Variants in TANC1 observed in about 807,000 individuals in gnomAD.
TANC1 encodes tetratricopeptide repeat, ankyrin repeat and coiled-coil containing 1.
Under a neutral mutation model 149.7 loss-of-function variants are expected in TANC1, and 77 were observed. The ratio of observed to expected loss-of-function variants is 0.51; its 90% CI spans 0.43 to 0.62. The LOEUF is 0.62. Among genes scored for constraint, TANC1 ranks in the 20% least tolerant of loss-of-function variants. The pLI, the probability that TANC1 is intolerant of heterozygous loss-of-function variation, is 0.00. For missense variants in TANC1, 1,985 were observed against 2,321.8 expected (o/e 0.85, Z 2.98); for synonymous variants, 854 against 925.0 (o/e 0.92, Z 1.39).
rs17493951 is a variant in TANC1 at position 159,172,385 on chromosome 2, A to G, written c.1503+113A>G. ...AACAGAGACAACTGCTTAATGATAA[A>G]GTATAGCTTTTAATGAAATAGTGAT... On this transcript the variant is annotated intron_variant, in intron 11 of 26. Coordinates refer to ENST00000263635, the MANE Select transcript of TANC1 (RefSeq NM_033394.3). 0.037 allele frequency: 35,130 copies of G among 945,462 alleles called. 823 individuals are homozygous for G. The highest frequency in any genetic ancestry group is 0.045 in the Non-Finnish European group (28,944 of 637,488). The allele number at this position is 945,462 out of a possible 1,614,324, so 58.6% of individuals were successfully genotyped here. A position where few individuals can be genotyped will look rare whatever the true frequency, so the allele number is the denominator to read the frequency against.
At chr2:159,151,411 T>A (rs1182019724) in intron 7 of TANC1, among the ~76,000 whole-genome samples, 2 of 152,254 alleles carry the variant, frequency 1.3e-5, no homozygotes, top group Admixed American at 1.3e-4. Flanking sequence ...CAGACCTTCC[T>A]CTGTTCCAAG....
chr2:159,097,243 G>A (rs536392830), intron 3 of TANC1, among the ~76,000 whole-genome samples: 1 of 152,248 alleles, frequency 6.6e-6, no homozygotes, highest in South Asian at 2.1e-4. Context: ...AGTTCTGGAA[G>A]GGTTGGTATC....
intron 5 of TANC1, among the ~76,000 whole-genome samples, chr2:159,142,396 G>C (rs1020647751): frequency 5.9e-5 from 9 of 152,262 alleles, no homozygotes; most frequent in African/African-American, 1.7e-4. Context: ...TATATGTCAA[G>C]GCACTGGCTA....
rs2041412921 is a variant in TANC1, at chr2:159,050,860, T to C, written c.-15-15036T>C. Among the ~76,000 whole-genome samples the C allele has an allele frequency of 2.0e-5, 3 of 152,244 alleles. No homozygotes were observed. In the South Asian group the frequency reaches 6.2e-4, roughly 31 times the overall value. On this transcript the variant is annotated intron_variant, in intron 2 of 26. Transcript: ENST00000263635. ...TCAATTGGAGATGAATGCAGTTTTA[T>C]AGTTTTTAGTGAATTATCAGTACAT... is the stretch of plus-strand genomic sequence containing the variant.
intron 22 of TANC1, 151 bp from the exon 23 acceptor site, chr2:159,224,080 CT>C: frequency 1.1e-6 from 1 of 912,120 alleles, no homozygotes; most frequent in South Asian, 1.6e-5. Flanking sequence ...CTCCTCTTCT[CT>C]GTTTCGTGTC....
chr2:159,171,979 G>A, intron 10 of TANC1, 142 bp from the exon 11 acceptor site: 1 of 669,824 alleles, frequency 1.5e-6, no homozygotes, highest in Non-Finnish European at 2.5e-6. Context: ...GGGAACCTGT[G>A]CTCTCATGTG....
rs117824001 is a variant in TANC1, at chr2:159,128,763, C to T, written c.260-7431C>T. On this transcript the variant is annotated intron_variant, in intron 4 of 26. Transcript: ENST00000263635. ...AATTGCATGTCACCTCATTCTCCTC[C>T]CTGACCAAGCACTCTTTTGTTGGGG... is the stretch of plus-strand genomic sequence containing the variant. Among the ~76,000 whole-genome samples the T allele has an allele frequency of 3.3e-5, 5 of 152,246 alleles. No individual in the cohort carries two copies. In the East Asian group the frequency reaches 7.7e-4, roughly 24 times the overall value.
At chr2:159,040,534 C>T (rs2040546336) in intron 2 of TANC1, among the ~76,000 whole-genome samples, 2 of 152,218 alleles carry the variant, frequency 1.3e-5, no homozygotes, top group Admixed American at 6.5e-5. Flanking sequence ...GATTCCCTTT[C>T]TTCCACTTGA....
rs960853927 is a variant in TANC1 at position 159,059,541 on chromosome 2, A to G, written c.-15-6355A>G. On this transcript the variant is annotated intron_variant, in intron 2 of 26. Coordinates refer to ENST00000263635, the MANE Select transcript of TANC1 (RefSeq NM_033394.3). ...AATATATAAAAAAAAAAGAAGAACC[A>G]AAGGCCAATTCTTTACTTATCACAA... Among the ~76,000 whole-genome samples the G allele has an allele frequency of 4.6e-5, 7 of 152,084 alleles. No individual in the cohort carries two copies. The South Asian group carries it at 1.5e-3, about 32-fold the overall frequency.
chr2:159,208,703 T>C (rs1212595105), intron 19 of TANC1, among the ~76,000 whole-genome samples: 1 of 152,234 alleles, frequency 6.6e-6, no homozygotes, highest in Non-Finnish European at 1.5e-5. Flanking sequence ...ATCATGGCCA[T>C]TGGGAGATCT....
At chr2:159,084,155 C>T (rs543497601) in intron 3 of TANC1, among the ~76,000 whole-genome samples, 98 of 151,808 alleles carry the variant, frequency 6.5e-4, no homozygotes, top group Admixed American at 3.7e-3. Context: ...AAGGCTGAGG[C>T]AGGGGAATGG....
intron 2 of TANC1, among the ~76,000 whole-genome samples, chr2:159,037,620 C>T (rs532757567): frequency 5.3e-4 from 80 of 152,290 alleles, no homozygotes; most frequent in Non-Finnish European, 1.0e-3. Flanking sequence ...GAATCCTTTC[C>T]GTGTTCCTTG....
chr2:159,140,938 G>A (rs368336143), intron 5 of TANC1, among the ~76,000 whole-genome samples: 2 of 152,062 alleles, frequency 1.3e-5, no homozygotes, highest in Non-Finnish European at 2.9e-5. Flanking sequence ...TGACCCACCC[G>A]CCTTGGCCTC....
Position 159,136,285 on chromosome 2 carries a change from G to C in TANC1, c.351G>C (p.Glu117Asp). The C allele has an allele frequency of 6.3e-7, 1 of 1,590,472 alleles. No homozygotes were observed. The highest frequency in any genetic ancestry group is 1.1e-5 in the South Asian group (1 of 90,560). Reference sequence around the variant, plus strand: ...TCAGAGAAGTAGCCAAGCCAACAGAGCCTGATGAGCATGGTAAGAATTTCA... The same window carrying C: ...TCAGAGAAGTAGCCAAGCCAACAGACCCTGATGAGCATGGTAAGAATTTCA... The part of the protein sequence containing the change: ...MPFREVAKPT[E>D]PDEHEAKADN... Residue 117 changes from glutamate to aspartate, a missense_variant, in exon 5 of 27, where the codon GAG becomes GAC. Physicochemically the swap from Glu to Asp is conservative, Grantham distance 45 (BLOSUM62 2). Coordinates refer to ENST00000263635, the MANE Select transcript of TANC1 (RefSeq NM_033394.3).
At chr2:159,086,082 G>T (rs77536835) in intron 3 of TANC1, among the ~76,000 whole-genome samples, 6 of 152,136 alleles carry the variant, frequency 3.9e-5, no homozygotes, top group Admixed American at 3.9e-4. Context: ...AGCTCCGGGG[G>T]CACTATTAAC....
rs375847758 is a variant in TANC1 at position 159,230,462 on chromosome 2, C to T, written c.5036C>T (p.Thr1679Ile). The change falls in exon 27 of 27, where the codon ACC becomes ATC. Residue 1679 changes from threonine to isoleucine, a missense_variant. Around this residue, in one of 3 missense-constraint regions of TANC1, gnomAD observed 920 missense variants for 994.7 expected, o/e 0.92. Coordinates refer to ENST00000263635, the MANE Select transcript of TANC1 (RefSeq NM_033394.3). The surrounding 1 kb of genome is among the most constrained non-coding windows in gnomAD (Gnocchi z 4.4). ...AGCAGCATAAAGATGTCAAGTTCAA[C>T]CAGTAGTTTGACTTCGAGCAGCAGT... ...PSSSIKMSSS[T>I]SSLTSSSSFS... is the part of the protein sequence containing the mutation. 26 of 1,614,178 alleles carry T rather than the reference C, an allele frequency of 1.6e-5. No individual in the cohort carries two copies. The highest frequency in any genetic ancestry group is 2.2e-5 in the Non-Finnish European group (26 of 1,180,042).
intron 2 of TANC1, among the ~76,000 whole-genome samples, chr2:159,059,802 A>G (rs1042728375): frequency 2.6e-5 from 4 of 151,640 alleles, no homozygotes; most frequent in Non-Finnish European, 4.4e-5. Context: ...GTGATGAGAC[A>G]TGGCTCTTGC....
chr2:159,017,047 A>G (rs1045697165), intron 2 of TANC1, among the ~76,000 whole-genome samples: 4 of 94,012 alleles, frequency 4.3e-5, no homozygotes, highest in African/African-American at 1.4e-4. Flanking sequence ...TAGGAGTATA[A>G]AAGTAATTGC....
rs751402956 is a variant in TANC1, at chr2:159,149,146, A to G, written c.369A>G (p.Ala123=). 3 of 1,584,230 alleles carry G rather than the reference A, an allele frequency of 1.9e-6. No homozygotes were observed. The highest frequency in any genetic ancestry group is 2.6e-6 in the Non-Finnish European group (3 of 1,165,336). ...TGTTTTCTTTCTTTGTTCCAGAAGCAAAGGCCGATAATGAACCGAGCTGTT... is the reference window on the plus strand; with the variant it reads ...TGTTTTCTTTCTTTGTTCCAGAAGCGAAGGCCGATAATGAACCGAGCTGTT... The part of the protein sequence containing the change: ...AKPTEPDEHE[A]KADNEPSCSP... Residue 123 remains alanine (A), a synonymous_variant, in exon 6 of 27, where the codon GCA becomes GCG. Coordinates refer to ENST00000263635, the MANE Select transcript of TANC1 (RefSeq NM_033394.3).
Sources: allele counts gnomAD v4.1 joint callset (sites outside exome capture counted in the v4.1 genomes callset), GRCh38; gene constraint gnomAD v4.1.1; regional missense constraint gnomAD v4.1.1; non-coding constraint Gnocchi (gnomAD v3.1); transcripts MANE v1.5; gene names NCBI Gene and HGNC (gene_info 2026-07-23, HGNC 2026-07-21).